Variants in ABCD3 observed in about 807,000 individuals in gnomAD.
ABCD3 encodes the protein ATP binding cassette subfamily D member 3, also known as ATP-binding cassette sub-family D member 3.
ABCD3 carries 41 observed loss-of-function variants against 105.5 expected under a neutral mutation model. That is an observed-to-expected ratio of 0.39 (90% confidence interval 0.30 to 0.50). The LOEUF (loss-of-function observed/expected upper bound fraction) is 0.50, where lower values mean the gene tolerates loss of function less well. ABCD3 is among the 20% of genes least tolerant of loss of function. The pLI is 0.84. For missense variants in ABCD3, 622 were observed against 806.3 expected, an observed-to-expected ratio of 0.77 and a Z score of 2.77; for synonymous variants, 258 against 269.0, an observed-to-expected ratio of 0.96 and a Z score of 0.40.
In ABCD3 at chr1:94,483,019, G is replaced by A. The variant is rs540647200; in HGVS notation, c.828-151G>A. ...AGCTGAGCTAGGAACAGAATCTCAGGTATAGACTGTGGCTTGAGATGCACC... is the reference window on the plus strand; with the variant it reads ...AGCTGAGCTAGGAACAGAATCTCAGATATAGACTGTGGCTTGAGATGCACC... On this transcript the variant is annotated intron_variant, in intron 9 of 22. Transcript: ENST00000370214. The A allele has an allele frequency of 9.2e-4, 603 of 657,822 alleles. 2 individuals are homozygous for A. The highest frequency in any genetic ancestry group is 1.7e-3 in the South Asian group (95 of 56,604). 40.7% of individuals were successfully genotyped at this position (657,822 alleles called of 1,614,324 possible). A position where few individuals can be genotyped will look rare whatever the true frequency, so the allele number is the denominator to read the frequency against.
chr1:94,517,333 G>GT lies in ABCD3; in HGVS notation c.*207dup. ...GATATTGCTAATTGTGTATATGTTG[G>GT]TTTAATTAATAATATGTACTAAGAA... On this transcript the variant is annotated 3_prime_UTR_variant, in exon 23 of 23. Coordinates refer to ENST00000370214, the MANE Select transcript of ABCD3 (RefSeq NM_002858.4). 1 of 497,250 alleles carries GT rather than the reference G, an allele frequency of 2.0e-6. No homozygotes were observed. Among genetic ancestry groups the GT allele is most frequent in the Non-Finnish European group, 3.6e-6 (1 of 275,138 alleles). 30.8% of individuals were successfully genotyped at this position (497,250 alleles called of 1,614,324 possible). A position where few individuals can be genotyped will look rare whatever the true frequency, so the allele number is the denominator to read the frequency against.
At chr1:94,480,715 A>T in intron 9 of ABCD3, 109 bp downstream of exon 9, 1 of 1,154,476 alleles carries the variant, frequency 8.7e-7, no homozygotes. Flanking sequence ...AATAATGTGC[A>T]TATTGTGTTG....
chr1:94,401,533 A>C, the ABCD3 span, among the ~76,000 whole-genome samples: 1 of 152,230 alleles, frequency 6.6e-6, no homozygotes, highest in Non-Finnish European at 1.5e-5. Context: ...AACTATTCTG[A>C]AGGTTGCTTG....
At chr1:94,507,815 T>G (rs1353959454) in intron 21 of ABCD3, among the ~76,000 whole-genome samples, 1 of 146,068 alleles carries the variant, frequency 6.8e-6, no homozygotes, top group East Asian at 2.0e-4. Context: ...GTTCATGTCC[T>G]TCGCCCACTT....
chr1:94,465,343 A>T lies in ABCD3; in HGVS notation c.246+470A>T, dbSNP rs200267273. Among the ~76,000 whole-genome samples, 21 of 152,328 alleles carry T rather than the reference A, an allele frequency of 1.4e-4. No homozygotes were observed. In the East Asian group the frequency reaches 4.0e-3, roughly 29 times the overall value. ...GTAAGATTAGAACAGTAAAATCATA[A>T]CACTTTGGTTATACTATAGGTCAAA... is the stretch of plus-strand genomic sequence containing the variant. On this transcript the variant is annotated intron_variant, in intron 3 of 22. Coordinates refer to ENST00000370214, the MANE Select transcript of ABCD3 (RefSeq NM_002858.4).
chr1:94,505,569 A>C (rs1650314118), intron 20 of ABCD3, among the ~76,000 whole-genome samples: 2 of 152,034 alleles, frequency 1.3e-5, no homozygotes, highest in South Asian at 4.1e-4. Flanking sequence ...GCATATTGCA[A>C]GTTTATAAAA....
intron 9 of ABCD3, 56 bp downstream of exon 9, chr1:94,480,662 T>C: frequency 1.3e-6 from 2 of 1,589,680 alleles, no homozygotes; most frequent in African/African-American, 1.3e-5. Context: ...GATATTGATG[T>C]CATTTAAATT....
intron 3 of ABCD3, 37 bp from the exon 4 acceptor site, chr1:94,467,882 T>G: frequency 6.9e-7 from 1 of 1,441,572 alleles, no homozygotes; most frequent in Non-Finnish European, 9.8e-7. Context: ...CTTTCTAAAA[T>G]GCATGTATTT....
intron 22 of ABCD3, among the ~76,000 whole-genome samples, chr1:94,516,383 T>C (rs1375383640): frequency 6.6e-6 from 1 of 151,982 alleles, no homozygotes; most frequent in Non-Finnish European, 1.5e-5. Context: ...TTTCATGAAC[T>C]GAGCAGGAAA....
chr1:94,458,715 T>C (rs1647714234), intron 2 of ABCD3, 72 bp downstream of exon 2: 7 of 1,458,044 alleles, frequency 4.8e-6, no homozygotes, highest in South Asian at 2.3e-5. Flanking sequence ...ATGATTCTGA[T>C]TTAGGATTAA....
At chr1:94,437,811 G>A (rs368482767) in intron 1 of ABCD3, among the ~76,000 whole-genome samples, 36 of 152,310 alleles carry the variant, frequency 2.4e-4, no homozygotes, top group African/African-American at 8.7e-4. Flanking sequence ...AACATTTGTG[G>A]TTCATAGAAG....
intron 1 of ABCD3, among the ~76,000 whole-genome samples, chr1:94,456,255 ATTTTTTTTTTTT>A (rs71094301): frequency 2.2e-4 from 10 of 44,958 alleles, no homozygotes; most frequent in South Asian, 2.2e-3. Flanking sequence ...AAATGACAGA[ATTTTTTTTTTTT>A]TTTTTTTTTT....
chr1:94,498,133 A>T (rs1331842280), intron 16 of ABCD3, among the ~76,000 whole-genome samples: 1 of 152,124 alleles, frequency 6.6e-6, no homozygotes, highest in Non-Finnish European at 1.5e-5. Context: ...AGGTGACATC[A>T]TAGCTCACTG....
the ABCD3 span, among the ~76,000 whole-genome samples, chr1:94,412,333 C>A: frequency 2.0e-5 from 3 of 152,096 alleles, no homozygotes; most frequent in Non-Finnish European, 4.4e-5. Flanking sequence ...ATATTTTATT[C>A]ATCTATAAGC....
At chr1:94,394,045 C>T in the ABCD3 span, among the ~76,000 whole-genome samples, 1 of 152,162 alleles carries the variant, frequency 6.6e-6, no homozygotes, top group Non-Finnish European at 1.5e-5. Context: ...ATAGAAGATG[C>T]CAGGTATTTT....
At chr1:94,392,573 T>C in the ABCD3 span, among the ~76,000 whole-genome samples, 99,256 of 152,024 alleles carry the variant, frequency 0.65, 32,559 homozygotes, top group Middle Eastern at 0.82. Context: ...GATGTTGACA[T>C]CTGCCATCCC....
At chr1:94,421,736 G>C (rs1045694699) in intron 1 of ABCD3, among the ~76,000 whole-genome samples, 1 of 152,130 alleles carries the variant, frequency 6.6e-6, no homozygotes, top group African/African-American at 2.4e-5. Flanking sequence ...GTTTGGGAAG[G>C]GTTGGGGAAG....
the ABCD3 span, among the ~76,000 whole-genome samples, chr1:94,389,150 A>C: frequency 6.6e-6 from 1 of 152,344 alleles, no homozygotes; most frequent in African/African-American, 2.4e-5. Flanking sequence ...GCCCAGATAA[A>C]ATATTATCAG....
At chr1:94,397,226 T>C in the ABCD3 span, among the ~76,000 whole-genome samples, 9 of 152,238 alleles carry the variant, frequency 5.9e-5, no homozygotes, top group African/African-American at 2.2e-4. Context: ...TATCTAAGTA[T>C]GGCACATTTA....
Sources: gnomAD v4.1 joint callset for allele counts (sites outside exome capture counted in the v4.1 genomes callset) on GRCh38, gnomAD v4.1.1 for gene constraint, MANE v1.5 for transcripts, NCBI Gene and HGNC (gene_info 2026-07-23, HGNC 2026-07-21) for gene names.